The following AAK1 variants were observed in gnomAD, a reference collection of about 807,000 sequenced individuals.
AAK1 encodes the protein AP2 associated kinase 1, also known as AP2-associated protein kinase 1.
Under a neutral mutation model 116.0 loss-of-function variants are expected in AAK1, and 37 were observed. That is an observed-to-expected ratio of 0.32 (90% CI 0.25 to 0.42). The LOEUF is 0.42. AAK1 is among the 10% of genes least tolerant of loss of function. AAK1 has a pLI of 1.00. For missense variants in AAK1, 919 were observed against 1,170.6 expected (o/e 0.79, Z 3.14); for synonymous variants, 458 against 439.9 (o/e 1.04, Z -0.51).
chr2:69,467,039 G>C lies in AAK1; in HGVS notation c.*8830C>G, dbSNP rs1674510371. The C allele has an allele frequency of 3.0e-6, 3 of 985,396 alleles. No homozygotes were observed. In the South Asian group the frequency reaches 1.4e-4, roughly 46 times the overall value. 61.0% of individuals were successfully genotyped at this position (985,396 alleles called of 1,614,324 possible). A position where few individuals can be genotyped will look rare whatever the true frequency, so the allele number is the denominator to read the frequency against. On this transcript the variant is annotated 3_prime_UTR_variant, in exon 22 of 22. Transcript: ENST00000409085. ...AACTCTCTGAAAAGAAGCAGAATGT[G>C]GCTGCTTGATAAATGCAAGTTTACT...
Position 69,643,085 on chromosome 2 carries a change from ATTTTTTTTTTTTT to A in AAK1, c.-58_-46del, listed in dbSNP as rs4067981. On this transcript the variant is annotated 5_prime_UTR_variant, in exon 2 of 22. Coordinates refer to ENST00000409085, the MANE Select transcript of AAK1 (RefSeq NM_014911.5). ...AAAGCAAAATACCGATGGTTTCTAG[ATTTTTTTTTTTTT>A]TTTTTTTTTTTAAGAAAAGAGATCC... is the stretch of plus-strand genomic sequence containing the variant. 4.0e-6 allele frequency: 5 copies of A among 1,265,112 alleles called. No homozygotes were observed. The African/African-American group carries it at 1.0e-4, about 25-fold the overall frequency. 78.4% of individuals were successfully genotyped at this position (1,265,112 alleles called of 1,614,324 possible).
intron 2 of AAK1, among the ~76,000 whole-genome samples, chr2:69,560,615 C>A (rs1016093756): frequency 6.6e-6 from 1 of 152,188 alleles, no homozygotes; most frequent in Non-Finnish European, 1.5e-5. Flanking sequence ...AATTTTGACA[C>A]AGACATGCTT....
At chr2:69,547,138 A>T (rs1670961438) in intron 3 of AAK1, among the ~76,000 whole-genome samples, 1 of 152,212 alleles carries the variant, frequency 6.6e-6, no homozygotes, top group Non-Finnish European at 1.5e-5. Context: ...TTAACTCAAA[A>T]TGGATCAAAG....
intron 19 of AAK1, among the ~76,000 whole-genome samples, chr2:69,480,402 A>G (rs1168127350): frequency 2.6e-5 from 4 of 152,144 alleles, no homozygotes; most frequent in Non-Finnish European, 4.4e-5. Context: ...ATTTTACAGC[A>G]AATTACCTAT....
chr2:69,590,075 A>T (rs1042402106), intron 2 of AAK1, among the ~76,000 whole-genome samples: 5 of 152,238 alleles, frequency 3.3e-5, no homozygotes, highest in Non-Finnish European at 5.9e-5. Flanking sequence ...TGGAAGCCAG[A>T]CAGGAAGATA....
chr2:69,590,927 AG>A (rs1345847282), intron 2 of AAK1, among the ~76,000 whole-genome samples: 1 of 152,240 alleles, frequency 6.6e-6, no homozygotes, highest in East Asian at 1.9e-4. Context: ...TGAGACATTG[AG>A]AAAAAATATA....
intron 5 of AAK1, among the ~76,000 whole-genome samples, chr2:69,538,699 T>C (rs1670581404): frequency 6.6e-6 from 1 of 152,176 alleles, no homozygotes; most frequent in African/African-American, 2.4e-5. Flanking sequence ...CTTGCTAACA[T>C]GGTGAAACCC....
chr2:69,613,491 T>C (rs549065494), intron 2 of AAK1, among the ~76,000 whole-genome samples: 4 of 152,278 alleles, frequency 2.6e-5, no homozygotes, highest in Admixed American at 6.5e-5. Context: ...TGGGGGCTGG[T>C]TGGCAGGGAA....
intron 2 of AAK1, among the ~76,000 whole-genome samples, chr2:69,630,059 A>G (rs947479643): frequency 2.0e-5 from 3 of 152,134 alleles, no homozygotes; most frequent in Admixed American, 2.0e-4. Flanking sequence ...TCCACGGTAC[A>G]AAGATGGTGA....
chr2:69,548,502 CCTTTCTCT>C (rs1671023751), intron 3 of AAK1, among the ~76,000 whole-genome samples: 2 of 150,140 alleles, frequency 1.3e-5, no homozygotes, highest in Admixed American at 6.7e-5. Flanking sequence ...CTCTCTCCTT[CCTTTCTCT>C]CTTTCTTCCT....
At chr2:69,601,747 AGGG>A (rs1450308508) in intron 2 of AAK1, among the ~76,000 whole-genome samples, 2 of 152,190 alleles carry the variant, frequency 1.3e-5, no homozygotes, top group African/African-American at 4.8e-5. Context: ...TTTAGCTCCA[AGGG>A]GTAGAGTCTA....
chr2:69,576,829 T>G (rs1422354942), intron 2 of AAK1, among the ~76,000 whole-genome samples: 1 of 152,186 alleles, frequency 6.6e-6, no homozygotes, highest in Non-Finnish European at 1.5e-5. Flanking sequence ...ACCATGGAAG[T>G]GTCTCCACCT....
In AAK1 at chr2:69,567,467, C is replaced by T. The variant is rs1299752176; in HGVS notation, c.164-10489G>A. On this transcript the variant is annotated intron_variant, in intron 2 of 21. Coordinates refer to ENST00000409085, the MANE Select transcript of AAK1 (RefSeq NM_014911.5). ...AGGGACGATGACTGATTCACTGTGG[C>T]ATCTCTGTCACCCAGCACAGTGGCT... 2.6e-5 allele frequency among the ~76,000 whole-genome samples: 4 copies of T among 152,214 alleles called. No individual in the cohort carries two copies. In the East Asian group the frequency reaches 7.7e-4, roughly 29 times the overall value.
At chr2:69,596,141 G>A (rs1673270684) in intron 2 of AAK1, among the ~76,000 whole-genome samples, 1 of 152,016 alleles carries the variant, frequency 6.6e-6, no homozygotes, top group African/African-American at 2.4e-5. Flanking sequence ...CTCTGACGGA[G>A]ATGCACAAGG....
chr2:69,489,681 T>C (rs1675445753), intron 17 of AAK1, among the ~76,000 whole-genome samples: 1 of 152,120 alleles, frequency 6.6e-6, no homozygotes, highest in Non-Finnish European at 1.5e-5. Context: ...GTGTAAGCCC[T>C]GAAGTCTCAT....
intron 2 of AAK1, among the ~76,000 whole-genome samples, chr2:69,605,128 G>T (rs1673743972): frequency 6.6e-6 from 1 of 152,138 alleles, no homozygotes; most frequent in East Asian, 1.9e-4. Flanking sequence ...CCCAGTCCTT[G>T]TGTCACTATG....
chr2:69,586,037 G>C (rs1428514560), intron 2 of AAK1, among the ~76,000 whole-genome samples: 1 of 152,078 alleles, frequency 6.6e-6, no homozygotes. Flanking sequence ...GCACGTCACT[G>C]CCCCAAGGGG....
At chr2:69,549,195 C>T (rs1240134666) in intron 3 of AAK1, among the ~76,000 whole-genome samples, 3 of 152,034 alleles carry the variant, frequency 2.0e-5, no homozygotes, top group South Asian at 4.2e-4. Flanking sequence ...ATGGTGAAAC[C>T]GCGTCTCTAC....
chr2:69,483,601 C>T (rs1343049986), intron 17 of AAK1, among the ~76,000 whole-genome samples: 3 of 151,750 alleles, frequency 2.0e-5, no homozygotes, highest in East Asian at 1.9e-4. Context: ...TCTCTTTTTT[C>T]GGGGGTTGGG....
Sources: gnomAD v4.1 joint callset for allele counts (sites outside exome capture counted in the v4.1 genomes callset) on GRCh38, gnomAD v4.1.1 for gene constraint, MANE v1.5 for transcripts, NCBI Gene and HGNC (gene_info 2026-07-23, HGNC 2026-07-21) for gene names.